Variants in ST6GALNAC3 observed in about 807,000 individuals in gnomAD.
The protein encoded by ST6GALNAC3 is alpha-N-acetylgalactosaminide alpha-2,6-sialyltransferase 3.
In ST6GALNAC3, 25 loss-of-function variants were observed where a neutral mutation model predicts 32.7. The ratio of observed to expected loss-of-function variants is 0.76; its 90% confidence interval spans 0.56 to 1.07. ST6GALNAC3 has a LOEUF of 1.07. Ranked by LOEUF, ST6GALNAC3 falls within the 50% of genes least tolerant of loss-of-function variation. The pLI, the probability that ST6GALNAC3 is intolerant of heterozygous loss-of-function variation, is 0.00. For missense variants in ST6GALNAC3, 355 were observed against 382.4 expected, an observed-to-expected ratio of 0.93 and a Z score of 0.60; for synonymous variants, 129 against 133.1, an observed-to-expected ratio of 0.97 and a Z score of 0.21.
chr1:76,308,021 C>A, intron 1 of ST6GALNAC3: 2 of 402,068 alleles, frequency 5.0e-6, no homozygotes, highest in African/African-American at 2.0e-5. Flanking sequence ...CTGTTAAAGG[C>A]CCCTTCAGAC....
intron 3 of ST6GALNAC3, among the ~76,000 whole-genome samples, chr1:76,463,985 G>A (rs967550249): frequency 2.6e-5 from 4 of 152,010 alleles, no homozygotes; most frequent in Admixed American, 1.3e-4. Flanking sequence ...CTTCATTCAG[G>A]TGTCCTCTCC....
chr1:76,124,207 A>T (rs535257884), intron 1 of ST6GALNAC3, among the ~76,000 whole-genome samples: 1 of 152,188 alleles, frequency 6.6e-6, no homozygotes, highest in Non-Finnish European at 1.5e-5. Flanking sequence ...GGGCAATTCA[A>T]TTCATCTCGT....
intron 2 of ST6GALNAC3, among the ~76,000 whole-genome samples, chr1:76,357,336 G>T (rs1192493505): frequency 3.3e-5 from 5 of 151,746 alleles, no homozygotes; most frequent in African/African-American, 1.2e-4. Context: ...GGGTTTTGCC[G>T]TGTTGGCCAG....
chr1:76,088,488 G>T (rs891904085), intron 1 of ST6GALNAC3, among the ~76,000 whole-genome samples: 12 of 152,156 alleles, frequency 7.9e-5, no homozygotes, highest in Admixed American at 2.6e-4. Context: ...GGCCCACTTA[G>T]GTCAAATCAG....
intron 3 of ST6GALNAC3, among the ~76,000 whole-genome samples, chr1:76,439,509 A>G (rs1284346651): frequency 6.6e-6 from 1 of 152,248 alleles, no homozygotes; most frequent in African/African-American, 2.4e-5. Flanking sequence ...GTGCTTTAAC[A>G]AAAGTATACC....
chr1:76,255,768 C>T (rs753262471), intron 1 of ST6GALNAC3, among the ~76,000 whole-genome samples: 2 of 151,950 alleles, frequency 1.3e-5, no homozygotes, highest in Admixed American at 6.6e-5. Context: ...AGGACTTAAT[C>T]TTTCTCTCTT....
intron 1 of ST6GALNAC3, among the ~76,000 whole-genome samples, chr1:76,248,031 A>T (rs1016599299): frequency 6.6e-6 from 1 of 152,000 alleles, no homozygotes. Context: ...CAGGTAGCAC[A>T]GTCCTTCATG....
At position 76,394,778 on chromosome 1, in the gene ST6GALNAC3, G is replaced by T. The variant is rs113405320; in HGVS notation, c.214-17230G>T. Among the ~76,000 whole-genome samples, 17 of 152,092 alleles carry T rather than the reference G, an allele frequency of 1.1e-4. 1 individual carries two copies. The highest frequency in any genetic ancestry group is 3.9e-4 in the African/African-American group (16 of 41,474). On this transcript the variant is annotated intron_variant, in intron 2 of 4. Transcript: ENST00000328299. Reference sequence around the variant, plus strand: ...CATAATTCATTGGCTTATTAAATAGGCTCTATATTTCAGATATATGGCTAC... The same window carrying T: ...CATAATTCATTGGCTTATTAAATAGTCTCTATATTTCAGATATATGGCTAC...
downstream of ST6GALNAC3, among the ~76,000 whole-genome samples, chr1:76,636,258 T>C (rs1010355379): frequency 5.9e-5 from 9 of 152,140 alleles, no homozygotes; most frequent in East Asian, 1.7e-3. Context: ...CTACCCACAA[T>C]AGAAGTAACG....
At chr1:76,363,177 C>G (rs1252754887) in intron 2 of ST6GALNAC3, among the ~76,000 whole-genome samples, 1 of 152,184 alleles carries the variant, frequency 6.6e-6, no homozygotes, top group Admixed American at 6.5e-5. Context: ...AATTTCTTTG[C>G]TCACACATTT....
At chr1:76,303,711 G>T (rs1320200297) in intron 1 of ST6GALNAC3, among the ~76,000 whole-genome samples, 1 of 152,122 alleles carries the variant, frequency 6.6e-6, no homozygotes, top group East Asian at 1.9e-4. Flanking sequence ...TCAGACAAGA[G>T]TTGATTATCT....
intron 1 of ST6GALNAC3, among the ~76,000 whole-genome samples, chr1:76,183,180 C>A (rs1039921851): frequency 6.6e-6 from 1 of 152,108 alleles, no homozygotes; most frequent in Non-Finnish European, 1.5e-5. Context: ...TTTCTGTACA[C>A]CACTTTAGCT....
intron 2 of ST6GALNAC3, among the ~76,000 whole-genome samples, chr1:76,406,816 A>G (rs1357228776): frequency 6.6e-6 from 1 of 151,914 alleles, no homozygotes; most frequent in East Asian, 1.9e-4. Context: ...AACCTGAAAA[A>G]TATCTAGTAT....
chr1:76,493,028 C>T (rs76031915), intron 3 of ST6GALNAC3, among the ~76,000 whole-genome samples: 5,267 of 150,540 alleles, frequency 0.035, 197 homozygotes, highest in African/African-American at 0.092. Flanking sequence ...GAGTTGACAC[C>T]TTCTTTTTTT....
intron 1 of ST6GALNAC3, among the ~76,000 whole-genome samples, chr1:76,218,917 A>G (rs1301496103): frequency 1.3e-5 from 2 of 152,222 alleles, no homozygotes; most frequent in Non-Finnish European, 2.9e-5. Context: ...TTACCATATC[A>G]GGCACTAAGG....
chr1:76,307,883 T>A (rs375319189), intron 1 of ST6GALNAC3: 17 of 515,476 alleles, frequency 3.3e-5, no homozygotes, highest in African/African-American at 2.5e-4. Context: ...GATTTTATTT[T>A]GGAATAGGTA....
At chr1:76,532,144 G>T (rs1303120214) in intron 3 of ST6GALNAC3, among the ~76,000 whole-genome samples, 1 of 152,118 alleles carries the variant, frequency 6.6e-6, no homozygotes. Flanking sequence ...TTGATTGTTG[G>T]TGCTCTGGTG....
At chr1:76,176,675 A>G (rs759457729) in intron 1 of ST6GALNAC3, among the ~76,000 whole-genome samples, 6 of 152,224 alleles carry the variant, frequency 3.9e-5, no homozygotes, top group Non-Finnish European at 7.3e-5. Context: ...AAATGAGTGA[A>G]ATTATAAAAG....
At chr1:76,570,906 T>A (rs1305037413) in intron 3 of ST6GALNAC3, among the ~76,000 whole-genome samples, 1 of 152,024 alleles carries the variant, frequency 6.6e-6, no homozygotes, top group African/African-American at 2.4e-5. Context: ...TTGTTCATAT[T>A]CCCAGCCTGC....
Sources: gnomAD v4.1 joint callset for allele counts (sites outside exome capture counted in the v4.1 genomes callset) on GRCh38, gnomAD v4.1.1 for gene constraint, MANE v1.5 for transcripts, NCBI Gene and HGNC (gene_info 2026-07-23, HGNC 2026-07-21) for gene names.